CWC22: variants seen among roughly 807,000 people sequenced by gnomAD.
CWC22 encodes the protein pre-mRNA-splicing factor CWC22 homolog.
A neutral mutation model predicts 117.2 loss-of-function variants in CWC22; 53 were observed. The observed-to-expected ratio is 0.45, with a 90% CI of 0.36 to 0.57. CWC22 has a LOEUF of 0.57. Ranked by LOEUF, CWC22 falls within the 20% of genes least tolerant of loss-of-function variation. The probability of loss-of-function intolerance (pLI) is 0.00; values close to 1 mark genes in which losing one functional copy is unlikely to be tolerated. For synonymous variants in CWC22, 360 were observed against 355.6 expected (o/e 1.01, Z -0.14); for missense variants, 980 against 1,068.8 (o/e 0.92, Z 1.16).
chr2:179,976,251 G>A (rs775713291), intron 6 of CWC22, among the ~76,000 whole-genome samples: 8 of 152,026 alleles, frequency 5.3e-5, no homozygotes, highest in South Asian at 2.1e-4. Context: ...AAACATCAAC[G>A]CAAAACAGAT....
chr2:179,960,807 A>G (rs986546038), intron 13 of CWC22, among the ~76,000 whole-genome samples: 4 of 152,038 alleles, frequency 2.6e-5, no homozygotes, highest in Admixed American at 6.5e-5. Flanking sequence ...CTTGAAATGT[A>G]TATCACGTGC....
chr2:179,974,022 A>AT (rs1453152426), intron 6 of CWC22, among the ~76,000 whole-genome samples: 16 of 152,194 alleles, frequency 1.1e-4, no homozygotes, highest in African/African-American at 3.4e-4. Flanking sequence ...ATTTTACTGC[A>AT]ATTTATCACC....
intron 1 of CWC22, among the ~76,000 whole-genome samples, chr2:180,002,311 C>T (rs1277652959): frequency 6.6e-6 from 1 of 152,204 alleles, no homozygotes; most frequent in Non-Finnish European, 1.5e-5. Flanking sequence ...CATGTTTCCC[C>T]CTCATTCTGT....
rs976831730 is a variant in CWC22 at position 179,971,133 on chromosome 2, A to AT, written c.805-58dup. The AT allele has an allele frequency of 6.5e-5, 76 of 1,171,988 alleles. No individual in the cohort carries two copies. The African/African-American group carries it at 1.0e-3, about 16-fold the overall frequency. The allele number at this position is 1,171,988 out of a possible 1,614,324, so 72.6% of individuals were successfully genotyped here. On this transcript the variant is annotated intron_variant, in intron 8 of 19. Transcript: ENST00000410053. Reference sequence around the variant, plus strand: ...AAAATGCTTTTACATACATTAAATTATTTTTATAATTTCTAAAAATTAGTA... The same window carrying AT: ...AAAATGCTTTTACATACATTAAATTATTTTTTATAATTTCTAAAAATTAGTA...
At chr2:179,977,350 A>C (rs1277066549) in intron 6 of CWC22, among the ~76,000 whole-genome samples, 1 of 152,222 alleles carries the variant, frequency 6.6e-6, no homozygotes, top group African/African-American at 2.4e-5. Flanking sequence ...GAATAAATGG[A>C]TAAAGAAAAT....
At chr2:179,984,539 A>G (rs4894143) in intron 4 of CWC22, among the ~76,000 whole-genome samples, 22,371 of 151,962 alleles carry the variant, frequency 0.15, 2,012 homozygotes, top group Admixed American at 0.29. Flanking sequence ...ATTTGGTCAA[A>G]ATTCCTGTGG....
In CWC22 at chr2:179,981,815, C is replaced by A; in HGVS notation, c.389G>T (p.Gly130Val). Residue 130 changes from glycine (G) to valine (V), a missense_variant, in exon 5 of 20, where the codon GGT becomes GTT. Physicochemically the swap from Gly to Val is moderately radical, Grantham distance 109 (BLOSUM62 -3). Around this residue, in one of 3 missense-constraint regions of CWC22, gnomAD observed 559 missense variants for 602.3 expected, o/e 0.93. Coordinates refer to ENST00000410053, the MANE Select transcript of CWC22 (RefSeq NM_020943.3). ...CTTTGCAGGGGGAATATATGCTCCA[C>A]CAGTGCGAGTAAGAAGAGGATCCAG... Reference protein sequence around the residue: ...DELDPLLTRTGGAYIPPAKLR... With the variant: ...DELDPLLTRTVGAYIPPAKLR... The A allele has an allele frequency of 6.2e-7, 1 of 1,613,876 alleles. No homozygotes were observed. The highest frequency in any genetic ancestry group is 1.3e-5 in the African/African-American group (1 of 75,026).
At chr2:179,993,925 A>G (rs982603695) in intron 1 of CWC22, among the ~76,000 whole-genome samples, 9 of 152,184 alleles carry the variant, frequency 5.9e-5, no homozygotes, top group African/African-American at 2.2e-4. Flanking sequence ...TAAGAAATAA[A>G]TTTAATCCAC....
At chr2:179,991,502 C>G (rs1218351234) in intron 2 of CWC22, among the ~76,000 whole-genome samples, 1 of 152,062 alleles carries the variant, frequency 6.6e-6, no homozygotes, top group Non-Finnish European at 1.5e-5. Flanking sequence ...GAAGGGCATG[C>G]TAAATGAAGC....
At chr2:179,978,612 T>A (rs916846160) in intron 5 of CWC22, among the ~76,000 whole-genome samples, 1 of 152,136 alleles carries the variant, frequency 6.6e-6, no homozygotes, top group African/African-American at 2.4e-5. Context: ...TTTAATTTAT[T>A]AGTCAAATTC....
intron 14 of CWC22, 147 bp downstream of exon 14, chr2:179,958,875 T>C: frequency 3.8e-6 from 2 of 528,562 alleles, no homozygotes; most frequent in East Asian, 5.9e-5. Flanking sequence ...AAGCTTTGTG[T>C]TAACTTAAAA....
intron 17 of CWC22, among the ~76,000 whole-genome samples, chr2:179,951,376 G>A (rs1686444988): frequency 6.6e-6 from 1 of 151,946 alleles, no homozygotes; most frequent in South Asian, 2.1e-4. Context: ...TCAACAAAAG[G>A]GAGAAATCAA....
chr2:179,952,728 T>C, intron 16 of CWC22, 130 bp from the exon 17 acceptor site: 1 of 470,972 alleles, frequency 2.1e-6, no homozygotes, highest in East Asian at 3.4e-5. Flanking sequence ...GAGTTATCTC[T>C]GAATATCTCC....
At chr2:179,988,100 G>T (rs1040461496) in intron 3 of CWC22, among the ~76,000 whole-genome samples, 1 of 152,210 alleles carries the variant, frequency 6.6e-6, no homozygotes, top group Admixed American at 6.5e-5. Flanking sequence ...CAGGTGATCT[G>T]CCAGGAGGTG....
intron 16 of CWC22, among the ~76,000 whole-genome samples, 192 bp from the exon 17 acceptor site, chr2:179,952,790 T>C (rs563181659): frequency 2.6e-5 from 4 of 152,212 alleles, no homozygotes; most frequent in Admixed American, 1.3e-4. Context: ...ACTTTCAAAA[T>C]GTTAAGATGC....
chr2:179,963,752 A>T (rs905847170), intron 13 of CWC22, among the ~76,000 whole-genome samples: 12 of 152,316 alleles, frequency 7.9e-5, no homozygotes, highest in Admixed American at 6.5e-4. Context: ...ACCTAAAGCC[A>T]AAAAATGTTC....
chr2:179,954,507 G>T, intron 15 of CWC22, 150 bp from the exon 16 acceptor site: 1 of 549,452 alleles, frequency 1.8e-6, no homozygotes, highest in Non-Finnish European at 3.1e-6. Context: ...GCCATATGAT[G>T]CTCAAAAAAG....
At chr2:179,990,303 T>TA (rs1687527132) in intron 2 of CWC22, among the ~76,000 whole-genome samples, 1 of 152,148 alleles carries the variant, frequency 6.6e-6, no homozygotes, top group Non-Finnish European at 1.5e-5. Context: ...CACATAAAGA[T>TA]CTTAGGTCAA....
intron 5 of CWC22, among the ~76,000 whole-genome samples, chr2:179,979,452 A>C (rs1288130913): frequency 6.6e-6 from 1 of 152,168 alleles, no homozygotes; most frequent in East Asian, 1.9e-4. Context: ...ATAAAGATTC[A>C]ATTTTTTCCC....
Sources: allele counts gnomAD v4.1 joint callset (sites outside exome capture counted in the v4.1 genomes callset), GRCh38; gene constraint gnomAD v4.1.1; regional missense constraint gnomAD v4.1.1; transcripts MANE v1.5; gene names NCBI Gene and HGNC (gene_info 2026-07-23, HGNC 2026-07-21).